WNT8A: variants seen among roughly 807,000 people sequenced by gnomAD.
WNT8A encodes the protein Wnt family member 8A.
In WNT8A, 14 loss-of-function variants were observed where a neutral mutation model predicts 20.5. That is an observed-to-expected ratio of 0.68 (90% CI 0.45 to 1.07). The LOEUF is 1.07. Among genes scored for constraint, WNT8A ranks in the 50% least tolerant of loss-of-function variants. The pLI, the probability that WNT8A is intolerant of heterozygous loss-of-function variation, is 0.00. For missense variants in WNT8A, 397 were observed against 462.9 expected (o/e 0.86, Z 1.31); for synonymous variants, 167 against 169.2 (o/e 0.99, Z 0.10).
rs758580480 is a variant in WNT8A, at chr5:138,087,858, C to A, written c.348C>A (p.Tyr116Ter). 2 of 1,614,032 alleles carry A rather than the reference C, an allele frequency of 1.2e-6. No homozygotes were observed. Among genetic ancestry groups the A allele is most frequent in the Non-Finnish European group, 1.7e-6 (2 of 1,179,966 alleles). The stretch of plus-strand genomic sequence containing the variant: ...CTATCAGCTCTGCTGGAGTCATGTA[C>A]ATCATCACCAAGAACTGTAGCATGG... ...IHAISSAGVM[Y>*]IITKNCSMGD... is the part of the protein sequence containing the mutation. The change falls in exon 3 of 5, where the codon TAC becomes TAA. Residue 116 changes from tyrosine (Y) to a stop codon, truncating the protein, a stop_gained. Transcript: ENST00000506684. LOFTEE classifies it high-confidence loss of function.
At chr5:138,086,896 AAT>A (rs1404629192) in intron 2 of WNT8A, among the ~76,000 whole-genome samples, 1 of 150,206 alleles carries the variant, frequency 6.7e-6, no homozygotes, top group African/African-American at 2.4e-5. Context: ...AAAAAAAAAA[AAT>A]AGCCGGGTGT....
In WNT8A at chr5:138,091,488, T is replaced by C; in HGVS notation, c.*415T>C. On this transcript the variant is annotated 3_prime_UTR_variant, in exon 5 of 5. Coordinates refer to ENST00000506684, the MANE Select transcript of WNT8A (RefSeq NM_001300939.2). Reference sequence around the variant, plus strand: ...ATAGAAGCAAAAAACGAAAGAGTTCTGTTCAGACTTCTGAAGAGCAGCCTG... The same window carrying C: ...ATAGAAGCAAAAAACGAAAGAGTTCCGTTCAGACTTCTGAAGAGCAGCCTG... The C allele has an allele frequency of 3.0e-6, 4 of 1,347,918 alleles. No individual in the cohort carries two copies. The highest frequency in any genetic ancestry group is 1.1e-5 in the South Asian group (1 of 87,594). 83.5% of individuals were successfully genotyped at this position (1,347,918 alleles called of 1,614,324 possible).
downstream of WNT8A, chr5:138,092,353 T>C (rs1750879435): frequency 6.6e-6 from 1 of 152,226 alleles, no homozygotes; most frequent in African/African-American, 2.4e-5. Context: ...AGTGTTATTT[T>C]AATGCAACCT....
chr5:138,090,821 T>C lies in WNT8A; in HGVS notation c.858T>C (p.Tyr286=), dbSNP rs916468776. The C allele has an allele frequency of 3.7e-6, 6 of 1,614,080 alleles. No homozygotes were observed. The African/African-American group carries it at 6.7e-5, about 18-fold the overall frequency. The stretch of plus-strand genomic sequence containing the variant: ...CCTGCAATTCCAGCCTGGGCATCTA[T>C]GGCACAGAGGGTCGTGAGTGCCTAC... ...YCTCNSSLGI[Y]GTEGRECLQN... The change falls in exon 5 of 5, where the codon TAT becomes TAC. Residue 286 remains tyrosine, a synonymous_variant. Transcript: ENST00000506684.
chr5:138,079,481 A>G (rs922137532), upstream of WNT8A, among the ~76,000 whole-genome samples: 2 of 152,008 alleles, frequency 1.3e-5, no homozygotes, highest in Admixed American at 6.6e-5. Context: ...TCTATATGAC[A>G]GAAATATTAT....
chr5:138,080,938 A>G (rs1750495319), upstream of WNT8A, among the ~76,000 whole-genome samples: 1 of 152,094 alleles, frequency 6.6e-6, no homozygotes, highest in African/African-American at 2.4e-5. Context: ...TCTCACTTCC[A>G]TTTAGAAAAA....
At chr5:138,089,434 T>C (rs77832456) in intron 4 of WNT8A, among the ~76,000 whole-genome samples, 2,282 of 152,278 alleles carry the variant, frequency 0.015, 45 homozygotes, top group African/African-American at 0.05. Context: ...GGCCTTGTTG[T>C]CCAGCCTTGT....
chr5:138,078,978 C>A, the WNT8A span, among the ~76,000 whole-genome samples: 3 of 152,084 alleles, frequency 2.0e-5, no homozygotes, highest in African/African-American at 7.2e-5. Flanking sequence ...GCTTATTCAT[C>A]GTATCTATTT....
In WNT8A at chr5:138,091,172, A is replaced by G. The variant is rs2151149394; in HGVS notation, c.*99A>G. On this transcript the variant is annotated 3_prime_UTR_variant, in exon 5 of 5. Transcript: ENST00000506684. ...GATTGGAAAGCAATCGGAAAATTGC[A>G]GTTTTGGTCTGTAGTCCTCATGATA... The G allele has an allele frequency of 1.3e-6, 2 of 1,538,774 alleles. No individual in the cohort carries two copies. The highest frequency in any genetic ancestry group is 2.3e-5 in the East Asian group (1 of 44,294).
rs562838927 is a variant in WNT8A at position 138,088,025 on chromosome 5, G to A, written c.421+94G>A. 2.6e-6 allele frequency: 4 copies of A among 1,548,490 alleles called. No homozygotes were observed. In the African/African-American group the frequency reaches 4.1e-5, roughly 16 times the overall value. Reference sequence around the variant, plus strand: ...TTCCAGAGAAAGGCTGAGGGACACAGCTCCCTTAAACCTCAAGACTCCAGC... The same window carrying A: ...TTCCAGAGAAAGGCTGAGGGACACAACTCCCTTAAACCTCAAGACTCCAGC... On this transcript the variant is annotated intron_variant, in intron 3 of 4. Coordinates refer to ENST00000506684, the MANE Select transcript of WNT8A (RefSeq NM_001300939.2).
chr5:138,083,160 A>G (rs1750552210), upstream of WNT8A, among the ~76,000 whole-genome samples: 1 of 151,918 alleles, frequency 6.6e-6, no homozygotes, highest in Non-Finnish European at 1.5e-5. Flanking sequence ...TGGCACCTGT[A>G]GTCTCAGATA....
upstream of WNT8A, among the ~76,000 whole-genome samples, chr5:138,080,767 A>C (rs1383859240): frequency 6.6e-6 from 1 of 152,032 alleles, no homozygotes; most frequent in African/African-American, 2.4e-5. Flanking sequence ...TGCCCAGCCC[A>C]GCTGGGAAAG....
At chr5:138,089,597 A>G (rs1471982176) in intron 4 of WNT8A, among the ~76,000 whole-genome samples, 1 of 152,234 alleles carries the variant, frequency 6.6e-6, no homozygotes, top group East Asian at 1.9e-4. Flanking sequence ...CCAAAAGCAT[A>G]GAAATTTCCT....
Position 138,091,161 on chromosome 5 carries a change from C to T in WNT8A, c.*88C>T, listed in dbSNP as rs1485258563. ...TAGAGAGAACAGATTGGAAAGCAAT[C>T]GGAAAATTGCAGTTTTGGTCTGTAG... On this transcript the variant is annotated 3_prime_UTR_variant, in exon 5 of 5. Transcript: ENST00000506684. The T allele has an allele frequency of 1.2e-5, 18 of 1,539,740 alleles. No homozygotes were observed. Among genetic ancestry groups the T allele is most frequent in the African/African-American group, 5.5e-5 (4 of 72,870 alleles).
chr5:138,091,798 C>T (rs1024302252), downstream of WNT8A, among the ~76,000 whole-genome samples: 2 of 151,488 alleles, frequency 1.3e-5, no homozygotes, highest in Non-Finnish European at 2.9e-5. Flanking sequence ...TGCACTCCAA[C>T]CTGGGCAACA....
At chr5:138,089,750 C>T (rs1750786224) in intron 4 of WNT8A, among the ~76,000 whole-genome samples, 1 of 152,200 alleles carries the variant, frequency 6.6e-6, no homozygotes, top group African/African-American at 2.4e-5. Context: ...CAGCCTCCAC[C>T]TCCCAGGCTG....
chr5:138,084,193 A>G lies in WNT8A; in HGVS notation c.66A>G (p.Gly22=). The change falls in exon 1 of 5, where the codon GGA becomes GGG. Residue 22 remains glycine (G), a synonymous_variant. Transcript: ENST00000506684. ...SPFPTLTPCQ[G]GPHCLIPIHL... is the part of the protein sequence containing the mutation. ...TCCCAACCCTCACTCCTTGCCAAGG[A>G]GGCCCCCATTGTCTCATCCCCATTC... The G allele has an allele frequency of 6.2e-7, 1 of 1,614,130 alleles. No individual in the cohort carries two copies. Among genetic ancestry groups the G allele is most frequent in the Non-Finnish European group, 8.5e-7 (1 of 1,180,022 alleles).
Position 138,090,680 on chromosome 5 carries a change from T to A in WNT8A, c.717T>A (p.Asp239Glu). 1 of 1,614,186 alleles carries A rather than the reference T, an allele frequency of 6.2e-7. No individual in the cohort carries two copies. Among genetic ancestry groups the A allele is most frequent in the Non-Finnish European group, 8.5e-7 (1 of 1,180,024 alleles). The change falls in exon 5 of 5, where the codon GAT (aspartate) becomes GAA (glutamate). Residue 239 changes from aspartate (D) to glutamate (E), a missense_variant. By Grantham distance (45) the Asp-to-Glu change is conservative. Coordinates refer to ENST00000506684, the MANE Select transcript of WNT8A (RefSeq NM_001300939.2). Reference sequence around the variant, plus strand: ...ACCAGGCGCTGAAAATTGAAATGGATAAGCGGCAGCTGAGAGCTGGGAACA... The same window carrying A: ...ACCAGGCGCTGAAAATTGAAATGGAAAAGCGGCAGCTGAGAGCTGGGAACA... The part of the protein sequence containing the change: ...KYDQALKIEM[D>E]KRQLRAGNSA...
chr5:138,079,178 C>T (rs1011225294), upstream of WNT8A, among the ~76,000 whole-genome samples: 19 of 151,910 alleles, frequency 1.3e-4, no homozygotes, highest in Non-Finnish European at 2.1e-4. Context: ...TGGGCTCCAG[C>T]GGTGTGCTGA....
Sources: allele counts gnomAD v4.1 joint callset (sites outside exome capture counted in the v4.1 genomes callset), GRCh38; gene constraint gnomAD v4.1.1; transcripts MANE v1.5; gene names NCBI Gene and HGNC (gene_info 2026-07-23, HGNC 2026-07-21).